NDST4: variants seen among roughly 807,000 people sequenced by gnomAD.
NDST4 encodes the protein N-deacetylase and N-sulfotransferase 4.
NDST4 carries 63 observed loss-of-function variants against 100.8 expected under a neutral mutation model. That is an observed-to-expected ratio of 0.62 (90% CI 0.51 to 0.77). NDST4 has a LOEUF of 0.77. Among genes scored for constraint, NDST4 ranks in the 30% least tolerant of loss-of-function variants. The probability of loss-of-function intolerance (pLI) is 0.00; values close to 1 mark genes in which losing one functional copy is unlikely to be tolerated. For missense variants in NDST4, 943 were observed against 1,018.4 expected, an observed-to-expected ratio of 0.93 and a Z score of 1.01; for synonymous variants, 377 against 361.8, an observed-to-expected ratio of 1.04 and a Z score of -0.48.
chr4:115,023,950 G>C (rs949049236), intron 2 of NDST4, among the ~76,000 whole-genome samples: 2 of 148,202 alleles, frequency 1.3e-5, no homozygotes, highest in Admixed American at 6.6e-5. Flanking sequence ...AATGCTTCTT[G>C]ACCAGCCTAG....
At chr4:114,869,579 C>G (rs1034620304) in intron 7 of NDST4, among the ~76,000 whole-genome samples, 4 of 151,956 alleles carry the variant, frequency 2.6e-5, no homozygotes, top group African/African-American at 9.7e-5. Flanking sequence ...ACCTGTCTTT[C>G]TAAATTACAT....
intron 2 of NDST4, among the ~76,000 whole-genome samples, chr4:115,072,833 G>T (rs1729104724): frequency 6.6e-6 from 1 of 151,784 alleles, no homozygotes; most frequent in African/African-American, 2.4e-5. Context: ...AAACCAAATG[G>T]AATTACATCA....
intron 1 of NDST4, among the ~76,000 whole-genome samples, chr4:115,097,267 CAT>C (rs1335266575): frequency 1.3e-5 from 2 of 152,144 alleles, no homozygotes; most frequent in East Asian, 1.9e-4. Context: ...TATCTAACCA[CAT>C]ATGTGATATT....
At chr4:115,025,348 T>G (rs1727960823) in intron 2 of NDST4, among the ~76,000 whole-genome samples, 1 of 152,164 alleles carries the variant, frequency 6.6e-6, no homozygotes, top group South Asian at 2.1e-4. Context: ...CTACTCGGAT[T>G]TGACAATCTG....
chr4:115,026,582 T>C (rs976995270), intron 2 of NDST4, among the ~76,000 whole-genome samples: 3 of 152,062 alleles, frequency 2.0e-5, no homozygotes, highest in African/African-American at 7.2e-5. Flanking sequence ...ACCATTTCTG[T>C]AATTTACTCT....
intron 2 of NDST4, among the ~76,000 whole-genome samples, chr4:115,010,798 C>T (rs1560857620): frequency 1.3e-5 from 2 of 152,006 alleles, no homozygotes; most frequent in African/African-American, 4.8e-5. Context: ...CAGATATATT[C>T]TTGCTTCTTT....
intron 4 of NDST4, among the ~76,000 whole-genome samples, chr4:114,942,794 T>C (rs1245479208): frequency 6.6e-6 from 1 of 151,896 alleles, no homozygotes; most frequent in Non-Finnish European, 1.5e-5. Context: ...ATTTTTCTAA[T>C]GGATTTTAAA....
At chr4:114,982,744 A>G (rs531292952) in intron 2 of NDST4, among the ~76,000 whole-genome samples, 2 of 152,322 alleles carry the variant, frequency 1.3e-5, no homozygotes, top group Non-Finnish European at 2.9e-5. Flanking sequence ...TTAATCACCA[A>G]GACAATGGGG....
chr4:115,064,745 T>C (rs1266986546), intron 2 of NDST4, among the ~76,000 whole-genome samples: 2 of 152,134 alleles, frequency 1.3e-5, no homozygotes, highest in African/African-American at 4.8e-5. Context: ...TAACTTGTTA[T>C]TGGTTTATCA....
intron 11 of NDST4, among the ~76,000 whole-genome samples, chr4:114,834,699 T>A: frequency 6.6e-6 from 1 of 152,154 alleles, no homozygotes; most frequent in East Asian, 1.9e-4. Flanking sequence ...GAGGAGTCCC[T>A]CTTTGTAACT....
chr4:114,994,236 T>A (rs1300234581), intron 2 of NDST4, among the ~76,000 whole-genome samples: 1 of 151,998 alleles, frequency 6.6e-6, no homozygotes, highest in African/African-American at 2.4e-5. Flanking sequence ...AGAATAAAGT[T>A]GTCTAAAAAA....
intron 2 of NDST4, among the ~76,000 whole-genome samples, chr4:114,988,305 CAT>C (rs1427664320): frequency 2.9e-5 from 4 of 139,778 alleles, no homozygotes; most frequent in Admixed American, 2.1e-4. Flanking sequence ...TGAAAATTTT[CAT>C]ATGATACGTG....
chr4:115,045,658 C>T (rs996610979), intron 2 of NDST4, among the ~76,000 whole-genome samples: 4 of 152,108 alleles, frequency 2.6e-5, no homozygotes, highest in Non-Finnish European at 5.9e-5. Context: ...TCTGGAGAGG[C>T]CACTGAGTCT....
intron 4 of NDST4, among the ~76,000 whole-genome samples, chr4:114,949,203 AT>A (rs1249064008): frequency 2.0e-5 from 3 of 151,912 alleles, no homozygotes; most frequent in Non-Finnish European, 1.5e-5. Flanking sequence ...AACTCTATCA[AT>A]TTTTTTAGAA....
intron 4 of NDST4, among the ~76,000 whole-genome samples, chr4:114,940,228 T>C (rs1020777706): frequency 3.3e-5 from 5 of 152,130 alleles, no homozygotes; most frequent in African/African-American, 7.2e-5. Flanking sequence ...ATACCACAAA[T>C]ATTCAGAGGG....
In NDST4 at chr4:115,076,149, C is replaced by T. The variant is rs1349726655; in HGVS notation, c.888G>A (p.Leu296=). The T allele has an allele frequency of 3.1e-6, 5 of 1,613,858 alleles. No individual in the cohort carries two copies. Among genetic ancestry groups the T allele is most frequent in the Non-Finnish European group, 4.2e-6 (5 of 1,179,936 alleles). ...GGATGTACCTGTCCAAGGACAATGTCAGCCTCTTCCCTGACAAGAAGGAGA... is the reference window on the plus strand; with the variant it reads ...GGATGTACCTGTCCAAGGACAATGTTAGCCTCTTCCCTGACAAGAAGGAGA... ...DAISFLSGKR[L]TLSLDRYILV... The change falls in exon 2 of 14, where the codon CTG becomes CTA. Residue 296 remains leucine (L), a synonymous_variant. Transcript: ENST00000264363.
chr4:114,903,642 G>T (rs1427923948), intron 6 of NDST4, among the ~76,000 whole-genome samples: 1 of 151,964 alleles, frequency 6.6e-6, no homozygotes, highest in Admixed American at 6.6e-5. Context: ...TCTAACAAAA[G>T]TTGTTGATTG....
intron 1 of NDST4, among the ~76,000 whole-genome samples, chr4:115,077,925 G>C (rs978840426): frequency 6.6e-6 from 1 of 152,116 alleles, no homozygotes; most frequent in African/African-American, 2.4e-5. Flanking sequence ...AGGACAGAAC[G>C]CTTAGGTGAA....
chr4:114,922,434 G>A (rs1449132322), intron 6 of NDST4, among the ~76,000 whole-genome samples: 6 of 152,152 alleles, frequency 3.9e-5, no homozygotes, highest in Admixed American at 1.3e-4. Flanking sequence ...AAAATCGGGC[G>A]AGAAGTAACA....
Sources: gnomAD v4.1 joint callset for allele counts (sites outside exome capture counted in the v4.1 genomes callset) on GRCh38, gnomAD v4.1.1 for gene constraint, MANE v1.5 for transcripts, NCBI Gene and HGNC (gene_info 2026-07-23, HGNC 2026-07-21) for gene names.